TNNI3K: variants seen among roughly 807,000 people sequenced by gnomAD.
TNNI3K encodes TNNI3 interacting kinase, also known as serine/threonine-protein kinase TNNI3K.
TNNI3K carries 140 observed loss-of-function variants against 114.5 expected under a neutral mutation model. The ratio of observed to expected loss-of-function variants is 1.22; its 90% CI spans 1.07 to 1.41. The LOEUF (loss-of-function observed/expected upper bound fraction) is 1.41, where lower values mean the gene tolerates loss of function less well. TNNI3K is among the 40% of genes most tolerant of loss of function. TNNI3K has a pLI of 0.00. For synonymous variants in TNNI3K, 347 were observed against 347.5 expected (o/e 1.00, Z 0.02); for missense variants, 1,125 against 1,007.6 (o/e 1.12, Z -1.58).
chr1:74,422,229 G>A (rs1458851515), intron 17 of TNNI3K, among the ~76,000 whole-genome samples: 1 of 151,758 alleles, frequency 6.6e-6, no homozygotes, highest in East Asian at 1.9e-4. Context: ...TAAAGTGAAG[G>A]TATATGTGTA....
At chr1:74,492,340 A>G in intron 23 of TNNI3K, 74 bp downstream of exon 23, 1 of 1,383,922 alleles carries the variant, frequency 7.2e-7, no homozygotes, top group Non-Finnish European at 9.5e-7. Context: ...AACTGATTTG[A>G]TTACTATTAA....
chr1:74,405,830 G>A (rs574319148), intron 17 of TNNI3K, among the ~76,000 whole-genome samples: 2 of 152,268 alleles, frequency 1.3e-5, no homozygotes, highest in Non-Finnish European at 2.9e-5. Flanking sequence ...TCAAAAAGTC[G>A]GTTGAATACT....
At chr1:74,357,698 T>C (rs1465127850) in intron 11 of TNNI3K, among the ~76,000 whole-genome samples, 1 of 152,114 alleles carries the variant, frequency 6.6e-6, no homozygotes, top group Non-Finnish European at 1.5e-5. Flanking sequence ...CAGAAGCCAC[T>C]GTTTAAGTTT....
intron 11 of TNNI3K, among the ~76,000 whole-genome samples, chr1:74,365,067 A>G (rs1357523979): frequency 6.6e-6 from 1 of 152,088 alleles, no homozygotes; most frequent in East Asian, 1.9e-4. Context: ...AAGTTCACCT[A>G]CAATTCTTGG....
rs546792476 is a variant in TNNI3K, at chr1:74,451,831, G to A, written c.2012-11610G>A. Among the ~76,000 whole-genome samples, 7 of 149,672 alleles carry A rather than the reference G, an allele frequency of 4.7e-5. No homozygotes were observed. In the South Asian group the frequency reaches 1.5e-3, roughly 32 times the overall value. On this transcript the variant is annotated intron_variant, in intron 20 of 24. Coordinates refer to ENST00000326637, the MANE Select transcript of TNNI3K (RefSeq NM_015978.3). ...GTACAATGTTGAATTGAAGTGGTAA[G>A]ATATATACCTCAGATTTGTCTATTT...
intron 5 of TNNI3K, among the ~76,000 whole-genome samples, chr1:74,311,277 C>G (rs999371794): frequency 2.6e-5 from 4 of 151,982 alleles, no homozygotes; most frequent in African/African-American, 7.2e-5. Flanking sequence ...TATACTAATA[C>G]GTTTTCAGTT....
intron 11 of TNNI3K, among the ~76,000 whole-genome samples, chr1:74,366,906 A>G (rs144632508): frequency 6.6e-6 from 1 of 152,126 alleles, no homozygotes; most frequent in African/African-American, 2.4e-5. Flanking sequence ...TGCCCTTATT[A>G]TATATTCCCA....
At chr1:74,358,994 G>A (rs1661809934) in intron 11 of TNNI3K, among the ~76,000 whole-genome samples, 1 of 151,702 alleles carries the variant, frequency 6.6e-6, no homozygotes, top group Non-Finnish European at 1.5e-5. Flanking sequence ...TTGTTTTATA[G>A]ATAAAGAGAT....
chr1:74,332,894 T>A (rs1004749249), intron 6 of TNNI3K, among the ~76,000 whole-genome samples: 3 of 150,742 alleles, frequency 2.0e-5, no homozygotes, highest in Admixed American at 6.6e-5. Context: ...AAAGACAAAA[T>A]TTCTATGTTT....
chr1:74,312,514 C>A (rs1316854003), intron 5 of TNNI3K, among the ~76,000 whole-genome samples: 1 of 152,176 alleles, frequency 6.6e-6, no homozygotes, highest in African/African-American at 2.4e-5. Flanking sequence ...CTGATCTTGC[C>A]TTTGCAGGCT....
intron 23 of TNNI3K, among the ~76,000 whole-genome samples, chr1:74,497,161 G>T (rs1345426353): frequency 6.6e-6 from 1 of 152,032 alleles, no homozygotes; most frequent in African/African-American, 2.4e-5. Flanking sequence ...AGTTTTTCTG[G>T]GTTACAACAA....
intron 21 of TNNI3K, chr1:74,472,241 G>C: frequency 1.4e-6 from 1 of 712,526 alleles, no homozygotes; most frequent in Non-Finnish European, 2.6e-6. Flanking sequence ...ACTTAGCAGA[G>C]TTTTATTACC....
chr1:74,262,605 G>A (rs1361128617), intron 4 of TNNI3K, among the ~76,000 whole-genome samples: 2 of 151,084 alleles, frequency 1.3e-5, no homozygotes, highest in Admixed American at 6.6e-5. Context: ...TCTCCAGTTA[G>A]TGATGACTTT....
intron 17 of TNNI3K, among the ~76,000 whole-genome samples, chr1:74,405,531 C>G (rs1664572634): frequency 6.6e-6 from 1 of 152,010 alleles, no homozygotes; most frequent in Non-Finnish European, 1.5e-5. Flanking sequence ...ATGCGGAGAA[C>G]TAGAGAGGTT....
intron 21 of TNNI3K, chr1:74,480,962 G>C: frequency 1.4e-6 from 1 of 710,614 alleles, no homozygotes; most frequent in Non-Finnish European, 2.6e-6. Context: ...CGTGGTCATA[G>C]GGGCTGCTGT....
At chr1:74,520,541 G>A (rs1320210742) in intron 23 of TNNI3K, among the ~76,000 whole-genome samples, 1 of 151,542 alleles carries the variant, frequency 6.6e-6, no homozygotes, top group Non-Finnish European at 1.5e-5. Flanking sequence ...GTCCTTGCTT[G>A]TCTCTTTTGA....
intron 17 of TNNI3K, among the ~76,000 whole-genome samples, chr1:74,397,266 TACAC>T (rs1159096217): frequency 2.0e-5 from 3 of 151,136 alleles, no homozygotes; most frequent in Admixed American, 2.0e-4. Context: ...ATTAAAGAGA[TACAC>T]AGAAGGTGAG....
At chr1:74,515,988 A>G (rs116746508) in intron 23 of TNNI3K, among the ~76,000 whole-genome samples, 1,562 of 152,296 alleles carry the variant, frequency 0.01, 34 homozygotes, top group African/African-American at 0.036. Context: ...GAAAATGTAA[A>G]TGGAGAGAGT....
intron 7 of TNNI3K, among the ~76,000 whole-genome samples, chr1:74,338,048 G>T (rs1253811947): frequency 6.6e-6 from 1 of 151,686 alleles, no homozygotes; most frequent in Non-Finnish European, 1.5e-5. Context: ...CATCTCTCTT[G>T]AATATATATA....
Sources: allele counts gnomAD v4.1 joint callset (sites outside exome capture counted in the v4.1 genomes callset), GRCh38; gene constraint gnomAD v4.1.1; transcripts MANE v1.5; gene names NCBI Gene and HGNC (gene_info 2026-07-23, HGNC 2026-07-21).